ZNF385D: variants seen among roughly 807,000 people sequenced by gnomAD.
ZNF385D encodes zinc finger protein 385D, also known as zinc finger protein 659.
In ZNF385D, 15 loss-of-function variants were observed where a neutral mutation model predicts 35.8. The observed-to-expected ratio is 0.42, with a 90% CI of 0.28 to 0.64. The LOEUF is 0.64. Ranked by LOEUF, ZNF385D falls within the 30% of genes least tolerant of loss-of-function variation. The pLI is 0.23. For missense variants in ZNF385D, 474 were observed against 494.6 expected, an observed-to-expected ratio of 0.96 and a Z score of 0.39; for synonymous variants, 212 against 186.8, an observed-to-expected ratio of 1.13 and a Z score of -1.10.
chr3:21,561,791 C>G (rs2062956925), intron 3 of ZNF385D: 1 of 150,886 alleles, frequency 6.6e-6, no homozygotes, highest in South Asian at 2.1e-4. Context: ...CCAAAACAAT[C>G]ACAATAGTAA....
intron 4 of ZNF385D, among the ~76,000 whole-genome samples, chr3:21,483,071 A>G (rs1400569024): frequency 6.6e-6 from 1 of 152,142 alleles, no homozygotes; most frequent in African/African-American, 2.4e-5. Context: ...ACATGTGTAG[A>G]TTCTTGTAAT....
At chr3:22,142,220 T>A (rs1405342625) in intron 3 of ZNF385D, among the ~76,000 whole-genome samples, 1 of 152,232 alleles carries the variant, frequency 6.6e-6, no homozygotes, top group Non-Finnish European at 1.5e-5. Context: ...TCTTTACTAG[T>A]GTTTTTACTA....
chr3:21,949,554 C>CTTTTTTTTTTTTTTTT (rs372298558), intron 3 of ZNF385D, among the ~76,000 whole-genome samples: 1 of 112,908 alleles, frequency 8.9e-6, no homozygotes. Flanking sequence ...TTCTTTCTTT[C>CTTTTTTTTTTTTTTTT]TTTTTTTTTT....
chr3:21,969,563 C>T (rs540883153), intron 3 of ZNF385D, among the ~76,000 whole-genome samples: 6 of 152,154 alleles, frequency 3.9e-5, no homozygotes, highest in South Asian at 2.1e-4. Flanking sequence ...TTAATACCCG[C>T]GGTGCTTGAC....
intron 2 of ZNF385D, among the ~76,000 whole-genome samples, chr3:21,578,097 C>T (rs1435119179): frequency 6.6e-6 from 1 of 152,108 alleles, no homozygotes; most frequent in East Asian, 1.9e-4. Context: ...ACTACAGGTG[C>T]AAGCCACTGC....
intron 3 of ZNF385D, among the ~76,000 whole-genome samples, chr3:21,943,682 T>C (rs1701643271): frequency 6.6e-6 from 1 of 152,142 alleles, no homozygotes; most frequent in South Asian, 2.1e-4. Flanking sequence ...CTATAACTAA[T>C]GTAAACATGT....
chr3:22,073,359 T>C (rs1418546648), intron 3 of ZNF385D, among the ~76,000 whole-genome samples: 2 of 151,780 alleles, frequency 1.3e-5, no homozygotes, highest in South Asian at 2.1e-4. Flanking sequence ...TTCGTGTAAT[T>C]TCCTCTGAAG....
chr3:22,035,837 T>C (rs1008303443), intron 3 of ZNF385D, among the ~76,000 whole-genome samples: 8 of 152,176 alleles, frequency 5.3e-5, no homozygotes, highest in Admixed American at 3.9e-4. Flanking sequence ...TCTAAAAATA[T>C]TGTGGATCTT....
intron 2 of ZNF385D, among the ~76,000 whole-genome samples, chr3:21,650,907 T>C (rs1056145171): frequency 2.6e-5 from 4 of 152,152 alleles, no homozygotes; most frequent in Non-Finnish European, 5.9e-5. Context: ...TGCTCTCCTT[T>C]TTAAGGAGTA....
intron 3 of ZNF385D, among the ~76,000 whole-genome samples, chr3:22,132,304 C>G (rs146397776): frequency 3.9e-5 from 6 of 152,154 alleles, no homozygotes; most frequent in Admixed American, 1.3e-4. Context: ...CATCTATGAA[C>G]TAAGAAACGG....
intron 2 of ZNF385D, among the ~76,000 whole-genome samples, chr3:21,602,082 A>T (rs2064309854): frequency 6.6e-6 from 1 of 152,080 alleles, no homozygotes; most frequent in Non-Finnish European, 1.5e-5. Context: ...GTGAAGGGGG[A>T]GCAAAGGCAG....
At chr3:21,949,344 C>G (rs545827371) in intron 3 of ZNF385D, among the ~76,000 whole-genome samples, 1 of 151,974 alleles carries the variant, frequency 6.6e-6, no homozygotes, top group Non-Finnish European at 1.5e-5. Flanking sequence ...ACTTGAGAAC[C>G]TGTGTTTCAT....
intron 3 of ZNF385D, among the ~76,000 whole-genome samples, chr3:22,111,308 A>G (rs1702521262): frequency 6.6e-6 from 1 of 151,824 alleles, no homozygotes; most frequent in Admixed American, 6.6e-5. Context: ...TGCCCTGTGA[A>G]CTTGGTAAAT....
intron 3 of ZNF385D, among the ~76,000 whole-genome samples, chr3:21,917,953 T>G (rs957019342): frequency 6.6e-6 from 1 of 152,180 alleles, no homozygotes; most frequent in Non-Finnish European, 1.5e-5. Context: ...CCCACAGATA[T>G]AAAATACTTG....
chr3:21,666,963 G>C (rs1294746770), intron 1 of ZNF385D, among the ~76,000 whole-genome samples: 1 of 152,148 alleles, frequency 6.6e-6, no homozygotes, highest in Non-Finnish European at 1.5e-5. Flanking sequence ...TGTAATCCCA[G>C]CTACTTGGGA....
chr3:21,807,942 T>G (rs1327570573), intron 3 of ZNF385D, among the ~76,000 whole-genome samples: 2 of 152,314 alleles, frequency 1.3e-5, no homozygotes, highest in African/African-American at 2.4e-5. Context: ...TCTCTGATAT[T>G]TGCATTGTCT....
intron 1 of ZNF385D, among the ~76,000 whole-genome samples, chr3:21,723,525 G>A (rs1025144539): frequency 6.6e-6 from 1 of 152,078 alleles, no homozygotes; most frequent in African/African-American, 2.4e-5. Flanking sequence ...TCAAATAGCC[G>A]AATTTATCAA....
chr3:21,782,199 G>C (rs1442816635), intron 3 of ZNF385D, among the ~76,000 whole-genome samples: 2 of 152,064 alleles, frequency 1.3e-5, no homozygotes, highest in East Asian at 3.9e-4. Flanking sequence ...CTATGTGCCT[G>C]TCAGTATTCA....
intron 1 of ZNF385D, among the ~76,000 whole-genome samples, chr3:21,725,465 A>T (rs2068718815): frequency 6.6e-6 from 1 of 152,204 alleles, no homozygotes; most frequent in South Asian, 2.1e-4. Flanking sequence ...GACAGAGAAG[A>T]ATCAAATAGA....
Sources: gnomAD v4.1 joint callset for allele counts (sites outside exome capture counted in the v4.1 genomes callset) on GRCh38, gnomAD v4.1.1 for gene constraint, MANE v1.5 for transcripts, NCBI Gene and HGNC (gene_info 2026-07-23, HGNC 2026-07-21) for gene names.